The following NCAM2 variants were observed in gnomAD, a reference collection of about 807,000 sequenced individuals.
The protein encoded by NCAM2 is N-CAM-2.
In NCAM2, 30 loss-of-function variants were observed where a neutral mutation model predicts 98.1. That is an observed-to-expected ratio of 0.31 (90% CI 0.23 to 0.41). The LOEUF (loss-of-function observed/expected upper bound fraction) is 0.41, where lower values mean the gene tolerates loss of function less well. Among genes scored for constraint, NCAM2 ranks in the 10% least tolerant of loss-of-function variants. The pLI is 1.00. For missense variants in NCAM2, 867 were observed against 1,005.8 expected, an observed-to-expected ratio of 0.86 and a Z score of 1.87; for synonymous variants, 368 against 342.4, an observed-to-expected ratio of 1.07 and a Z score of -0.83.
At chr21:21,057,384 T>A (rs1255261783) in intron 1 of NCAM2, among the ~76,000 whole-genome samples, 1 of 152,126 alleles carries the variant, frequency 6.6e-6, no homozygotes, top group Non-Finnish European at 1.5e-5. Flanking sequence ...AGATTATTTT[T>A]AATTTGAATT....
At chr21:21,420,832 G>A (rs1015814757) in intron 11 of NCAM2, among the ~76,000 whole-genome samples, 10 of 151,896 alleles carry the variant, frequency 6.6e-5, no homozygotes, top group Non-Finnish European at 1.2e-4. Context: ...AATGTGAAGA[G>A]ACTGTTATAC....
At chr21:21,210,656 T>G (rs1324483482) in intron 1 of NCAM2, 2 of 1,280,980 alleles carry the variant, frequency 1.6e-6, no homozygotes, top group Non-Finnish European at 1.0e-6. Flanking sequence ...GCACTTTATC[T>G]TGAAGAAGGG....
At chr21:21,085,930 TAGG>T (rs942344402) in intron 1 of NCAM2, among the ~76,000 whole-genome samples, 4 of 152,308 alleles carry the variant, frequency 2.6e-5, no homozygotes, top group African/African-American at 4.8e-5. Flanking sequence ...GAGAAAATCA[TAGG>T]AGGAAATAAA....
In NCAM2 at chr21:21,488,229, G is replaced by A. The variant is rs535898148; in HGVS notation, c.2077+10758G>A. Reference sequence around the variant, plus strand: ...CAAAGTTACAAGTATGCATCCTAGTGCACATGTTACACACAATAATATGCA... The same window carrying A: ...CAAAGTTACAAGTATGCATCCTAGTACACATGTTACACACAATAATATGCA... On this transcript the variant is annotated intron_variant, in intron 15 of 17. Coordinates refer to ENST00000400546, the MANE Select transcript of NCAM2 (RefSeq NM_004540.5). 7.9e-5 allele frequency among the ~76,000 whole-genome samples: 12 copies of A among 151,926 alleles called. No homozygotes were observed. In the South Asian group the frequency reaches 1.9e-3, roughly 24 times the overall value.
intron 1 of NCAM2, among the ~76,000 whole-genome samples, chr21:21,085,482 C>A (rs992218584): frequency 6.6e-6 from 1 of 152,170 alleles, no homozygotes; most frequent in African/African-American, 2.4e-5. Flanking sequence ...GTCTCATGCT[C>A]GTTTTGCTTG....
chr21:21,272,789 T>A (rs1339552822), intron 1 of NCAM2, among the ~76,000 whole-genome samples: 1 of 152,048 alleles, frequency 6.6e-6, no homozygotes, highest in East Asian at 1.9e-4. Flanking sequence ...AAGATGAGGA[T>A]TAAGGAATAA....
chr21:21,180,043 A>G (rs1329862663), intron 1 of NCAM2, among the ~76,000 whole-genome samples: 2 of 152,140 alleles, frequency 1.3e-5, no homozygotes, highest in Non-Finnish European at 2.9e-5. Flanking sequence ...GCCATCTGGG[A>G]GATCAGCTGG....
intron 1 of NCAM2, among the ~76,000 whole-genome samples, chr21:21,045,430 G>A (rs544504534): frequency 2.5e-4 from 38 of 152,236 alleles, no homozygotes; most frequent in Non-Finnish European, 3.8e-4. Flanking sequence ...GATTGCTTGA[G>A]CTCAGGAATT....
chr21:21,239,423 T>G (rs1408758072), intron 1 of NCAM2: 1 of 152,160 alleles, frequency 6.6e-6, no homozygotes, highest in Non-Finnish European at 1.5e-5. Flanking sequence ...TATGGCTCTT[T>G]GTAACCAGCA....
intron 1 of NCAM2, among the ~76,000 whole-genome samples, chr21:21,022,946 TATTTG>T (rs1388973571): frequency 6.6e-6 from 1 of 152,188 alleles, no homozygotes; most frequent in Non-Finnish European, 1.5e-5. Context: ...TGTAAACATG[TATTTG>T]ATTTTACATA....
rs963518565 is a variant in NCAM2, at chr21:21,030,136, C to T, written c.55+31518C>T. ...TGTTATCTGGTTTTCTTTCCTATTT[C>T]TTGAACATTTACTATGCCAGAATAC... On this transcript the variant is annotated intron_variant, in intron 1 of 17. Transcript: ENST00000400546. Among the ~76,000 whole-genome samples, 36 of 152,124 alleles carry T rather than the reference C, an allele frequency of 2.4e-4. 1 individual carries two copies. The highest frequency in any genetic ancestry group is 4.4e-5 in the Non-Finnish European group (3 of 68,010).
At chr21:21,231,014 G>A (rs1169771904) in intron 1 of NCAM2, among the ~76,000 whole-genome samples, 1 of 151,262 alleles carries the variant, frequency 6.6e-6, no homozygotes, top group African/African-American at 2.4e-5. Context: ...AGTGTGTGCT[G>A]GATGTGAAAT....
intron 16 of NCAM2, among the ~76,000 whole-genome samples, chr21:21,515,658 T>C (rs573794598): frequency 4.1e-4 from 62 of 152,262 alleles, no homozygotes; most frequent in Admixed American, 2.8e-3. Context: ...AGTGGAAAAT[T>C]TAATTTACTA....
intron 1 of NCAM2, among the ~76,000 whole-genome samples, chr21:21,265,079 C>T (rs1224683166): frequency 1.1e-5 from 1 of 92,102 alleles, no homozygotes; most frequent in Non-Finnish European, 2.2e-5. Flanking sequence ...TATATATATA[C>T]ACACATATAT....
At chr21:21,291,142 G>A (rs2073276865) in intron 4 of NCAM2, among the ~76,000 whole-genome samples, 1 of 151,812 alleles carries the variant, frequency 6.6e-6, no homozygotes, top group Non-Finnish European at 1.5e-5. Flanking sequence ...GGATAGAGGC[G>A]GGGTGTCTCT....
intron 1 of NCAM2, among the ~76,000 whole-genome samples, chr21:21,132,235 TTCTC>T (rs2066950531): frequency 6.6e-6 from 1 of 152,062 alleles, no homozygotes; most frequent in African/African-American, 2.4e-5. Context: ...TGCTTTCTCT[TTCTC>T]TCTGACTTCT....
At chr21:21,393,312 C>G (rs1315225703) in intron 9 of NCAM2, among the ~76,000 whole-genome samples, 2 of 151,872 alleles carry the variant, frequency 1.3e-5, no homozygotes, top group African/African-American at 4.8e-5. Flanking sequence ...TATATGTCTG[C>G]TCTTGTATCA....
intron 1 of NCAM2, among the ~76,000 whole-genome samples, chr21:21,257,521 C>T (rs556966349): frequency 1.4e-4 from 22 of 152,118 alleles, no homozygotes; most frequent in African/African-American, 4.3e-4. Flanking sequence ...TTAGACAGTA[C>T]GAAAAATAAA....
At chr21:21,405,013 G>T (rs2076710728) in intron 9 of NCAM2, among the ~76,000 whole-genome samples, 1 of 151,644 alleles carries the variant, frequency 6.6e-6, no homozygotes, top group African/African-American at 2.4e-5. Flanking sequence ...CATACATATG[G>T]CTTTCCAAAA....
Sources: gnomAD v4.1 joint callset for allele counts (sites outside exome capture counted in the v4.1 genomes callset) on GRCh38, gnomAD v4.1.1 for gene constraint, MANE v1.5 for transcripts, NCBI Gene and HGNC (gene_info 2026-07-23, HGNC 2026-07-21) for gene names.